ABI3BP: variants seen among roughly 807,000 people sequenced by gnomAD.
The protein encoded by ABI3BP is target of Nesh-SH3.
ABI3BP carries 216 observed loss-of-function variants against 268.6 expected under a neutral mutation model. The ratio of observed to expected loss-of-function variants is 0.80; its 90% CI spans 0.72 to 0.90. The LOEUF (loss-of-function observed/expected upper bound fraction) is 0.90. Among genes scored for constraint, ABI3BP ranks in the 40% least tolerant of loss-of-function variants. The probability of loss-of-function intolerance (pLI) is 0.00; values close to 1 mark genes in which losing one functional copy is unlikely to be tolerated. For missense variants in ABI3BP, 2,090 were observed against 2,182.4 expected, an observed-to-expected ratio of 0.96 and a Z score of 0.84; for synonymous variants, 730 against 730.0, an observed-to-expected ratio of 1.00 and a Z score of 0.00.
intron 4 of ABI3BP, among the ~76,000 whole-genome samples, chr3:100,892,398 A>G (rs924501647): frequency 6.6e-6 from 1 of 152,238 alleles, no homozygotes; most frequent in Admixed American, 6.5e-5. Context: ...GAAAGCGAAA[A>G]AAGTTAAAAC....
chr3:100,828,986 T>A (rs1158583938), intron 33 of ABI3BP, among the ~76,000 whole-genome samples: 1 of 152,024 alleles, frequency 6.6e-6, no homozygotes, highest in African/African-American at 2.4e-5. Context: ...CAACGAAATG[T>A]TCTGATCAAC....
At chr3:100,871,068 G>T (rs1333102599) in intron 9 of ABI3BP, among the ~76,000 whole-genome samples, 3 of 152,160 alleles carry the variant, frequency 2.0e-5, no homozygotes, top group African/African-American at 7.2e-5. Flanking sequence ...AGGGTAAAAA[G>T]TTGCAGATGC....
intron 1 of ABI3BP, among the ~76,000 whole-genome samples, chr3:100,959,038 G>C (rs2595894): frequency 0.87 from 131,857 of 152,186 alleles, 57,236 homozygotes; most frequent in East Asian, 1. Flanking sequence ...GTTGCTCCAG[G>C]GCATAGGTGA....
chr3:100,938,908 G>C (rs1255168485), intron 1 of ABI3BP, among the ~76,000 whole-genome samples: 5 of 151,992 alleles, frequency 3.3e-5, no homozygotes, highest in African/African-American at 1.2e-4. Flanking sequence ...AAATTGCTTT[G>C]GTGGTGGTGG....
At chr3:100,850,159 T>C (rs947478554) in intron 16 of ABI3BP, 40 bp from the exon 17 acceptor site, 7 of 1,561,930 alleles carry the variant, frequency 4.5e-6, no homozygotes, top group African/African-American at 1.4e-5. Flanking sequence ...ATAATCCCAG[T>C]TAAAATGAGG....
At position 100,796,412 on chromosome 3, in the gene ABI3BP, G is replaced by C; in HGVS notation, c.3814C>G (p.Pro1272Ala). The C allele has an allele frequency of 6.3e-7, 1 of 1,586,340 alleles. No homozygotes were observed. The highest frequency in any genetic ancestry group is 8.6e-7 in the Non-Finnish European group (1 of 1,167,584). Residue 1272 changes from proline (P) to alanine (A), a missense_variant, in exon 52 of 68, where the codon CCT (proline) becomes GCT (alanine). Coordinates refer to ENST00000471714, the MANE Select transcript of ABI3BP (RefSeq NM_001375547.2). ...KPYPEVSQSE[P>A]VLQPVTFRFE... is the part of the protein sequence containing the mutation. ...AAGGATGAAATAATTAATTTACCAG[G>C]TTCGCTCTGAGAGACCTCAGGGTAT...
At chr3:100,971,936 C>A (rs1355898154) in intron 1 of ABI3BP, among the ~76,000 whole-genome samples, 1 of 152,056 alleles carries the variant, frequency 6.6e-6, no homozygotes, top group Non-Finnish European at 1.5e-5. Context: ...AATCAACATG[C>A]AGTTTCTCAG....
rs748948193 is a variant in ABI3BP at position 100,864,057 on chromosome 3, C to T, written c.1083G>A (p.Pro361=). 5.9e-5 allele frequency: 90 copies of T among 1,535,896 alleles called. No individual in the cohort carries two copies. The highest frequency in any genetic ancestry group is 1.7e-4 in the Middle Eastern group (1 of 6,014). Residue 361 remains proline (P), a synonymous_variant, in exon 12 of 68, where the codon CCG becomes CCA. Transcript: ENST00000471714. ...ETTLVLSKRT[P]ETLQTILIPQ... is the part of the protein sequence containing the mutation. Reference sequence around the variant, plus strand: ...GTATTAGAATAGTTTGCAATGTTTCCGGGGTCCTTTTGCTGAGAACTACAA... The same window carrying T: ...GTATTAGAATAGTTTGCAATGTTTCTGGGGTCCTTTTGCTGAGAACTACAA...
At chr3:100,866,754 T>G in intron 10 of ABI3BP, 125 bp downstream of exon 10, 3 of 760,674 alleles carry the variant, frequency 3.9e-6, no homozygotes, top group Non-Finnish European at 6.3e-6. Context: ...AATCTCCTAC[T>G]GTTTTGCATT....
At chr3:100,787,584 G>A (rs1485918676) in intron 57 of ABI3BP, 144 bp downstream of exon 57, 10 of 640,486 alleles carry the variant, frequency 1.6e-5, no homozygotes, top group Non-Finnish European at 2.4e-5. Context: ...TTTGGAATGA[G>A]TTATAATTTT....
chr3:100,827,975 A>AT (rs2098419247), intron 34 of ABI3BP, among the ~76,000 whole-genome samples: 1 of 152,142 alleles, frequency 6.6e-6, no homozygotes. Flanking sequence ...AGGCAGATTA[A>AT]AAAGGTAGAT....
Position 100,840,167 on chromosome 3 carries a change from GAAGA to G in ABI3BP, c.1805-7_1805-4del, listed in dbSNP as rs957372214. The G allele has an allele frequency of 9.2e-6, 14 of 1,523,010 alleles. No homozygotes were observed. In the African/African-American group the frequency reaches 1.4e-4, roughly 15 times the overall value. 94.3% of individuals were successfully genotyped at this position (1,523,010 alleles called of 1,614,324 possible). ...TGGTCTTTTGGTCTTTCGTGGTGCT[GAAGA>G]AAGAAAATTAGCAAGTTAATACAAG... On this transcript the variant is annotated splice_region_variant and splice_polypyrimidine_tract_variant and intron_variant, in intron 22 of 67. Coordinates refer to ENST00000471714, the MANE Select transcript of ABI3BP (RefSeq NM_001375547.2).
chr3:100,847,835 G>GTA (rs1450626760), intron 18 of ABI3BP, among the ~76,000 whole-genome samples, 162 bp from the exon 19 acceptor site: 1 of 152,160 alleles, frequency 6.6e-6, no homozygotes, highest in African/African-American at 2.4e-5. Context: ...TGTCATAACA[G>GTA]TATACATCAT....
chr3:100,899,425 A>G (rs2153481135), intron 3 of ABI3BP, among the ~76,000 whole-genome samples: 1 of 152,346 alleles, frequency 6.6e-6, no homozygotes, highest in South Asian at 2.1e-4. Context: ...TCTTCATGTT[A>G]TTGTAGTAAG....
intron 1 of ABI3BP, among the ~76,000 whole-genome samples, chr3:100,963,259 G>A (rs934219528): frequency 4.6e-5 from 7 of 152,092 alleles, no homozygotes; most frequent in African/African-American, 1.4e-4. Flanking sequence ...TTGAACAAAG[G>A]CAAAGTTATG....
intron 9 of ABI3BP, among the ~76,000 whole-genome samples, chr3:100,867,476 C>G (rs1268042866): frequency 6.6e-6 from 1 of 150,798 alleles, no homozygotes; most frequent in Non-Finnish European, 1.5e-5. Context: ...CCTGTCTCTA[C>G]TAAATATACA....
At chr3:100,869,591 T>C (rs2099090628) in intron 9 of ABI3BP, among the ~76,000 whole-genome samples, 1 of 152,144 alleles carries the variant, frequency 6.6e-6, no homozygotes, top group Non-Finnish European at 1.5e-5. Flanking sequence ...TAAGCTCAAG[T>C]GATCCTCCTG....
intron 2 of ABI3BP, among the ~76,000 whole-genome samples, chr3:100,909,586 TC>T (rs550163571): frequency 8.6e-4 from 130 of 151,588 alleles, no homozygotes; most frequent in Admixed American, 3.4e-3. Flanking sequence ...AAAACAAACA[TC>T]CCCATCAAAA....
At chr3:100,973,707 C>T (rs1016185993) in intron 1 of ABI3BP, among the ~76,000 whole-genome samples, 1 of 152,146 alleles carries the variant, frequency 6.6e-6, no homozygotes, top group African/African-American at 2.4e-5. Context: ...TTAAAGCAGG[C>T]TTAATTTGAC....
Sources: gnomAD v4.1 joint callset for allele counts (sites outside exome capture counted in the v4.1 genomes callset) on GRCh38, gnomAD v4.1.1 for gene constraint, MANE v1.5 for transcripts, NCBI Gene and HGNC (gene_info 2026-07-23, HGNC 2026-07-21) for gene names.